RNF144A: variants seen among roughly 807,000 people sequenced by gnomAD.
RNF144A encodes ring finger protein 144A.
RNF144A carries 11 observed loss-of-function variants against 38.7 expected under a neutral mutation model. That is an observed-to-expected ratio of 0.28 (90% CI 0.18 to 0.47). The LOEUF (loss-of-function observed/expected upper bound fraction) is 0.47. Among genes scored for constraint, RNF144A ranks in the 20% least tolerant of loss-of-function variants. The pLI, the probability that RNF144A is intolerant of heterozygous loss-of-function variation, is 0.99. For synonymous variants in RNF144A, 149 were observed against 143.9 expected (o/e 1.04, Z -0.25); for missense variants, 316 against 377.2 (o/e 0.84, Z 1.34).
chr2:6,934,277 C>A (rs918423376), intron 1 of RNF144A, among the ~76,000 whole-genome samples: 10 of 152,216 alleles, frequency 6.6e-5, no homozygotes, highest in Non-Finnish European at 1.5e-4. Context: ...AGCATCTTTT[C>A]AAATGTTTAT....
chr2:7,064,402 T>G (rs1406569384), intron 6 of RNF144A, among the ~76,000 whole-genome samples: 2 of 152,158 alleles, frequency 1.3e-5, no homozygotes, highest in Non-Finnish European at 2.9e-5. Context: ...ATTTAAATGC[T>G]GATAATAAGG....
At position 7,043,502 on chromosome 2, in the gene RNF144A, C is replaced by T. The variant is rs1673175279; in HGVS notation, c.*3742C>T. ...TCACAAGGAGATCATCAAGGGAAAA[C>T]ATTTTGCATGTGTAAAGCTTCATGA... On this transcript the variant is annotated 3_prime_UTR_variant, in exon 9 of 9. Transcript: ENST00000320892. 1.0e-6 allele frequency: 1 copy of T among 985,612 alleles called. No homozygotes were observed. The highest frequency in any genetic ancestry group is 1.2e-6 in the Non-Finnish European group (1 of 829,790). The allele number at this position is 985,612 out of a possible 1,614,324, so 61.1% of individuals were successfully genotyped here.
At chr2:6,930,126 T>C (rs1665110634) in intron 1 of RNF144A, among the ~76,000 whole-genome samples, 1 of 152,216 alleles carries the variant, frequency 6.6e-6, no homozygotes, top group Non-Finnish European at 1.5e-5. Context: ...GATGCACAAA[T>C]GTATTTCTTC....
At chr2:6,969,724 G>T (rs1453446482) in intron 2 of RNF144A, among the ~76,000 whole-genome samples, 1 of 152,186 alleles carries the variant, frequency 6.6e-6, no homozygotes, top group Non-Finnish European at 1.5e-5. Context: ...GCAAAATACA[G>T]TCAGTCTTCC....
intron 3 of RNF144A, among the ~76,000 whole-genome samples, chr2:7,009,891 G>A (rs138743246): frequency 2.6e-5 from 4 of 152,340 alleles, no homozygotes; most frequent in Middle Eastern, 3.4e-3. Context: ...AGGAATGCCT[G>A]TTGCCAGGTG....
intron 1 of RNF144A, among the ~76,000 whole-genome samples, chr2:6,937,174 T>C (rs1312591296): frequency 6.6e-6 from 1 of 152,176 alleles, no homozygotes; most frequent in Non-Finnish European, 1.5e-5. Flanking sequence ...GAAGAACAAT[T>C]CTTGATACCT....
intron 2 of RNF144A, among the ~76,000 whole-genome samples, chr2:6,982,339 A>G (rs1465168747): frequency 6.6e-6 from 1 of 152,094 alleles, no homozygotes; most frequent in Non-Finnish European, 1.5e-5. Flanking sequence ...GGACTTCTTT[A>G]TTTTATCAAT....
chr2:6,921,135 G>T (rs558358637), intron 1 of RNF144A, among the ~76,000 whole-genome samples: 1 of 152,298 alleles, frequency 6.6e-6, no homozygotes, highest in East Asian at 1.9e-4. Flanking sequence ...AAAGTGAAAT[G>T]GTGAGAAATG....
chr2:6,974,799 C>T, intron 2 of RNF144A, among the ~76,000 whole-genome samples: 1 of 152,142 alleles, frequency 6.6e-6, no homozygotes, highest in East Asian at 1.9e-4. Context: ...CTGACATATG[C>T]TGACATTTTT....
downstream of RNF144A, chr2:7,044,273 G>T (rs1321449240): frequency 7.5e-5 from 64 of 850,252 alleles, no homozygotes; most frequent in Non-Finnish European, 8.8e-5. Context: ...TTAATCTATT[G>T]AAGATTGAAA....
chr2:6,990,559 T>C (rs1355614533), intron 2 of RNF144A, among the ~76,000 whole-genome samples: 1 of 72,394 alleles, frequency 1.4e-5, no homozygotes, highest in Non-Finnish European at 2.7e-5. Context: ...AGAGAGAGAT[T>C]GCTACACACA....
chr2:7,026,638 C>A (rs1285719201), intron 7 of RNF144A, among the ~76,000 whole-genome samples: 6 of 152,100 alleles, frequency 3.9e-5, no homozygotes, highest in Non-Finnish European at 5.9e-5. Context: ...TGTCACAGAG[C>A]CCCGTGCGGA....
chr2:7,004,715 T>C (rs1462592194), intron 3 of RNF144A, among the ~76,000 whole-genome samples: 1 of 152,204 alleles, frequency 6.6e-6, no homozygotes, highest in Non-Finnish European at 1.5e-5. Flanking sequence ...CAATTTCCCA[T>C]ACTGAGCCAT....
At chr2:7,046,305 G>A (rs1673305337), downstream of RNF144A, among the ~76,000 whole-genome samples, 1 of 152,192 alleles carries the variant, frequency 6.6e-6, no homozygotes, top group Non-Finnish European at 1.5e-5. Context: ...TCTAGCTAAA[G>A]TCACCCAGGA....
chr2:6,922,073 G>A (rs1664571544), intron 1 of RNF144A, among the ~76,000 whole-genome samples: 1 of 152,116 alleles, frequency 6.6e-6, no homozygotes, highest in Non-Finnish European at 1.5e-5. Context: ...TTTTGTTTTG[G>A]AGCGTCTTTC....
chr2:6,995,619 C>T (rs1056770078), intron 2 of RNF144A, among the ~76,000 whole-genome samples: 22 of 152,168 alleles, frequency 1.4e-4, no homozygotes, highest in African/African-American at 5.3e-4. Context: ...TGTTCGAGGG[C>T]AGAAAGCCCA....
At chr2:7,011,037 T>C (rs1031731986) in intron 3 of RNF144A, among the ~76,000 whole-genome samples, 37 of 152,328 alleles carry the variant, frequency 2.4e-4, no homozygotes, top group African/African-American at 8.7e-4. Context: ...ACTGACACTA[T>C]GCCCCTTTAA....
intron 5 of RNF144A, among the ~76,000 whole-genome samples, chr2:7,016,383 T>C (rs535404133): frequency 1.1e-4 from 16 of 152,304 alleles, no homozygotes; most frequent in Non-Finnish European, 2.2e-4. Flanking sequence ...AAACTGGCTG[T>C]TGTTTGCGTT....
downstream of RNF144A, among the ~76,000 whole-genome samples, chr2:7,045,061 G>A (rs1387341070): frequency 6.6e-6 from 1 of 152,242 alleles, no homozygotes; most frequent in Non-Finnish European, 1.5e-5. Flanking sequence ...GCTGTCCAGA[G>A]GACGCCATGT....
Sources: gnomAD v4.1 joint callset for allele counts (sites outside exome capture counted in the v4.1 genomes callset) on GRCh38, gnomAD v4.1.1 for gene constraint, MANE v1.5 for transcripts, NCBI Gene and HGNC (gene_info 2026-07-23, HGNC 2026-07-21) for gene names.